PTPRD: variants seen among roughly 807,000 people sequenced by gnomAD.
PTPRD encodes receptor-type tyrosine-protein phosphatase delta.
A neutral mutation model predicts 214.5 loss-of-function variants in PTPRD; 34 were observed. That is an observed-to-expected ratio of 0.16 (90% CI 0.12 to 0.21). The LOEUF is 0.21. Among genes scored for constraint, PTPRD ranks in the 10% least tolerant of loss-of-function variants. The pLI is 1.00. For synonymous variants in PTPRD, 1,128 were observed against 845.7 expected, an observed-to-expected ratio of 1.33 and a Z score of -5.79; for missense variants, 2,545 against 2,398.7, an observed-to-expected ratio of 1.06 and a Z score of -1.27.
chr9:9,816,551 GAAT>G (rs1329836533), intron 5 of PTPRD, among the ~76,000 whole-genome samples: 14 of 151,792 alleles, frequency 9.2e-5, no homozygotes, highest in Non-Finnish European at 1.6e-4. Flanking sequence ...CAATATATTT[GAAT>G]AATATATTGA....
chr9:10,384,560 G>A lies in PTPRD; in HGVS notation c.-599-43543C>T, dbSNP rs7855104. ...CATGTCTGTGAAATTAAAAAGGTAG[G>A]AATGATAGCCCCAATCCTAGTCAAC... is the stretch of plus-strand genomic sequence containing the variant. On this transcript the variant is annotated intron_variant, in intron 2 of 45. Coordinates refer to ENST00000381196, the MANE Select transcript of PTPRD (RefSeq NM_002839.4). Among the ~76,000 whole-genome samples, 1,009 of 151,628 alleles carry A rather than the reference G, an allele frequency of 6.7e-3. 9 individuals carry two copies. The highest frequency in any genetic ancestry group is 0.023 in the African/African-American group (945 of 41,448).
intron 2 of PTPRD, among the ~76,000 whole-genome samples, chr9:10,515,688 G>C (rs183096734): frequency 6.6e-4 from 100 of 152,020 alleles, no homozygotes; most frequent in Admixed American, 3.5e-3. Flanking sequence ...CAAATCTCTA[G>C]AACTTATTCA....
intron 3 of PTPRD, among the ~76,000 whole-genome samples, chr9:10,135,794 G>A (rs62537311): frequency 6.6e-6 from 1 of 151,672 alleles, no homozygotes; most frequent in African/African-American, 2.4e-5. Flanking sequence ...TACATTTCAG[G>A]CAGACACTAT....
At chr9:10,436,860 G>A (rs576898945) in intron 2 of PTPRD, among the ~76,000 whole-genome samples, 42 of 151,872 alleles carry the variant, frequency 2.8e-4, no homozygotes, top group South Asian at 8.3e-4. Flanking sequence ...TGGTTCAGGA[G>A]GGGCTTGAAA....
intron 10 of PTPRD, among the ~76,000 whole-genome samples, chr9:9,087,085 C>A (rs971272613): frequency 3.3e-5 from 5 of 152,160 alleles, no homozygotes; most frequent in Admixed American, 6.5e-5. Context: ...ACAGAAAACA[C>A]TGATTTCCAT....
intron 37 of PTPRD, among the ~76,000 whole-genome samples, chr9:8,388,274 C>G (rs10977024): frequency 0.18 from 27,738 of 152,092 alleles, 2,919 homozygotes; most frequent in Non-Finnish European, 0.23. Flanking sequence ...TTTACAGAAC[C>G]TCAACTTTCA....
chr9:8,727,812 C>T (rs968975374), intron 12 of PTPRD, among the ~76,000 whole-genome samples: 5 of 152,166 alleles, frequency 3.3e-5, no homozygotes, highest in African/African-American at 1.2e-4. Context: ...GCCACCACAA[C>T]TGGCTGTTTT....
chr9:9,960,826 T>C (rs2094310758), intron 4 of PTPRD, among the ~76,000 whole-genome samples: 1 of 151,922 alleles, frequency 6.6e-6, no homozygotes, highest in African/African-American at 2.4e-5. Context: ...AGAAATAAAA[T>C]ATGGACTTCT....
chr9:8,534,754 AT>A (rs1342695906), intron 14 of PTPRD, among the ~76,000 whole-genome samples: 1 of 151,888 alleles, frequency 6.6e-6, no homozygotes, highest in African/African-American at 2.4e-5. Flanking sequence ...GTGGATTTTT[AT>A]ACTTAAGAAA....
At chr9:8,466,279 T>C (rs1361498334) in intron 31 of PTPRD, among the ~76,000 whole-genome samples, 1 of 151,926 alleles carries the variant, frequency 6.6e-6, no homozygotes, top group Non-Finnish European at 1.5e-5. Flanking sequence ...GTTAGGCAAT[T>C]AGGGTGCACT....
chr9:8,698,371 C>T (rs1055094015), intron 12 of PTPRD, among the ~76,000 whole-genome samples: 2 of 152,150 alleles, frequency 1.3e-5, no homozygotes, highest in Admixed American at 6.5e-5. Flanking sequence ...GTGTAAAAAA[C>T]GGTGGCTGTA....
At chr9:10,440,400 T>C (rs2098750988) in intron 2 of PTPRD, among the ~76,000 whole-genome samples, 1 of 151,802 alleles carries the variant, frequency 6.6e-6, no homozygotes, top group African/African-American at 2.4e-5. Flanking sequence ...ATATAAATCA[T>C]ATCAGCATAG....
At chr9:8,321,109 G>C (rs1300389062) in intron 44 of PTPRD, among the ~76,000 whole-genome samples, 1 of 152,036 alleles carries the variant, frequency 6.6e-6, no homozygotes, top group Middle Eastern at 3.2e-3. Flanking sequence ...AAGATGTCTA[G>C]CGGCAGTGAA....
chr9:8,568,353 A>G (rs543616458), intron 14 of PTPRD, among the ~76,000 whole-genome samples: 9 of 152,262 alleles, frequency 5.9e-5, no homozygotes, highest in African/African-American at 2.2e-4. Flanking sequence ...AGTGATTTCA[A>G]GGCAATGTGA....
chr9:9,658,781 G>A (rs559879852), intron 7 of PTPRD, among the ~76,000 whole-genome samples: 5 of 152,138 alleles, frequency 3.3e-5, no homozygotes, highest in South Asian at 2.1e-4. Flanking sequence ...ATCTTATTCC[G>A]TGTTAGGTAC....
At chr9:10,450,034 T>G (rs2098829726) in intron 2 of PTPRD, among the ~76,000 whole-genome samples, 1 of 151,616 alleles carries the variant, frequency 6.6e-6, no homozygotes, top group Non-Finnish European at 1.5e-5. Context: ...AACAGATGCT[T>G]GAAGGCAGCA....
intron 3 of PTPRD, among the ~76,000 whole-genome samples, chr9:10,215,578 A>C (rs2099537426): frequency 6.6e-6 from 1 of 152,088 alleles, no homozygotes; most frequent in Non-Finnish European, 1.5e-5. Context: ...AACTTGGGAA[A>C]ATAATTTGAT....
chr9:9,439,361 C>G (rs1569568342), intron 8 of PTPRD, among the ~76,000 whole-genome samples: 1 of 151,990 alleles, frequency 6.6e-6, no homozygotes, highest in Non-Finnish European at 1.5e-5. Flanking sequence ...CCAGACATCC[C>G]AAAGAAACTG....
intron 5 of PTPRD, among the ~76,000 whole-genome samples, chr9:9,769,471 G>A (rs1450721061): frequency 6.6e-6 from 1 of 151,708 alleles, no homozygotes; most frequent in Non-Finnish European, 1.5e-5. Context: ...GACTACAGGT[G>A]CCCGCCACCA....
Sources: allele counts gnomAD v4.1 joint callset (sites outside exome capture counted in the v4.1 genomes callset), GRCh38; gene constraint gnomAD v4.1.1; transcripts MANE v1.5; gene names NCBI Gene and HGNC (gene_info 2026-07-23, HGNC 2026-07-21).